MDGA2: variants seen among roughly 807,000 people sequenced by gnomAD.
The protein encoded by MDGA2 is MAM domain containing glycosylphosphatidylinositol anchor 2, also known as MAM domain-containing glycosylphosphatidylinositol anchor protein 2.
In MDGA2, 40 loss-of-function variants were observed where a neutral mutation model predicts 117.8. That is an observed-to-expected ratio of 0.34 (90% CI 0.26 to 0.44). MDGA2 has a LOEUF of 0.44. Among genes scored for constraint, MDGA2 ranks in the 20% least tolerant of loss-of-function variants. MDGA2 has a pLI of 1.00. For missense variants in MDGA2, 1,123 were observed against 1,250.6 expected (o/e 0.90, Z 1.54); for synonymous variants, 452 against 439.0 (o/e 1.03, Z -0.37).
intron 1 of MDGA2, among the ~76,000 whole-genome samples, chr14:47,454,532 T>G (rs2138577739): frequency 6.6e-6 from 1 of 152,320 alleles, no homozygotes; most frequent in Non-Finnish European, 1.5e-5. Flanking sequence ...AATAAAAGAT[T>G]ATTATTCATT....
At chr14:47,482,097 A>G (rs896621434) in intron 1 of MDGA2, among the ~76,000 whole-genome samples, 15 of 152,186 alleles carry the variant, frequency 9.9e-5, no homozygotes, top group Middle Eastern at 3.4e-3. Context: ...ATGGGTTGAC[A>G]ACAGTGAGTG....
chr14:46,950,958 T>G (rs1234508945), intron 9 of MDGA2, among the ~76,000 whole-genome samples: 1 of 151,976 alleles, frequency 6.6e-6, no homozygotes, highest in Non-Finnish European at 1.5e-5. Context: ...CATTTATTCT[T>G]CAGGAATAAG....
At chr14:47,269,419 T>A (rs1888072898) in intron 2 of MDGA2, among the ~76,000 whole-genome samples, 2 of 152,180 alleles carry the variant, frequency 1.3e-5, no homozygotes, top group African/African-American at 4.8e-5. Context: ...GTGTATAATT[T>A]GTATTTCTAA....
intron 6 of MDGA2, among the ~76,000 whole-genome samples, chr14:47,076,564 G>A (rs1203439257): frequency 8.6e-6 from 1 of 116,298 alleles, no homozygotes. Context: ...TGTGTTATGT[G>A]TGTGTGTGTG....
chr14:47,211,712 G>A (rs190718386), intron 3 of MDGA2, among the ~76,000 whole-genome samples: 1 of 152,170 alleles, frequency 6.6e-6, no homozygotes, highest in African/African-American at 2.4e-5. Flanking sequence ...AACCCAAGCT[G>A]CCAAAAAAAG....
chr14:47,632,019 C>T (rs757422315), intron 1 of MDGA2, among the ~76,000 whole-genome samples: 25 of 151,972 alleles, frequency 1.6e-4, no homozygotes, highest in Non-Finnish European at 3.5e-4. Flanking sequence ...CAATGTGTCC[C>T]AGGTGTGCCA....
intron 1 of MDGA2, among the ~76,000 whole-genome samples, chr14:47,472,459 T>C (rs1467978406): frequency 6.6e-6 from 1 of 152,166 alleles, no homozygotes; most frequent in Non-Finnish European, 1.5e-5. Context: ...TCTGAACATA[T>C]CTAAACAAAG....
At chr14:47,005,513 A>T (rs1887679200) in intron 8 of MDGA2, among the ~76,000 whole-genome samples, 1 of 151,446 alleles carries the variant, frequency 6.6e-6, no homozygotes, top group South Asian at 2.1e-4. Context: ...CAGTTACTAA[A>T]GTTTTGTTTA....
chr14:47,322,296 A>G (rs932076832), intron 1 of MDGA2, among the ~76,000 whole-genome samples: 2 of 152,060 alleles, frequency 1.3e-5, no homozygotes, highest in African/African-American at 4.8e-5. Flanking sequence ...ATAAAATAAC[A>G]TTTTCTCTTC....
chr14:47,022,186 G>A (rs1888310937), intron 8 of MDGA2, among the ~76,000 whole-genome samples: 1 of 152,100 alleles, frequency 6.6e-6, no homozygotes, highest in Non-Finnish European at 1.5e-5. Context: ...CACAGGCTCA[G>A]GTAAGTCTTC....
At chr14:46,867,930 T>A (rs201421407) in intron 14 of MDGA2, among the ~76,000 whole-genome samples, 1 of 16 alleles carries the variant, frequency 0.062, no homozygotes, top group Non-Finnish European at 0.25. Context: ...CTTCTGTCTG[T>A]TTTTTTTTTT....
Position 47,263,249 on chromosome 14 carries a change from G to C in MDGA2, c.420+38162C>G, listed in dbSNP as rs112142885. Among the ~76,000 whole-genome samples the C allele has an allele frequency of 2.0e-5, 3 of 152,106 alleles. No homozygotes were observed. The East Asian group carries it at 5.8e-4, about 29-fold the overall frequency. On this transcript the variant is annotated intron_variant, in intron 2 of 16. Transcript: ENST00000399232. ...TTTCATGTCTCACAATCTTAAGAAC[G>C]TGGATTTAGTTAGGCACGTGGATTC...
intron 8 of MDGA2, among the ~76,000 whole-genome samples, chr14:47,004,198 CA>C (rs1887631551): frequency 6.6e-6 from 1 of 151,828 alleles, no homozygotes; most frequent in Non-Finnish European, 1.5e-5. Context: ...AGATACTCAA[CA>C]TTATTAGTCA....
chr14:47,407,335 CT>C (rs1177823789), intron 1 of MDGA2, among the ~76,000 whole-genome samples: 1 of 152,152 alleles, frequency 6.6e-6, no homozygotes, highest in Non-Finnish European at 1.5e-5. Context: ...TTATTTACTA[CT>C]TTTCAAGCTT....
At position 47,086,551 on chromosome 14, in the gene MDGA2, A is replaced by G. The variant is rs184900554; in HGVS notation, c.1195+10303T>C. 1.8e-3 allele frequency among the ~76,000 whole-genome samples: 269 copies of G among 152,274 alleles called. 1 individual carries two copies. The highest frequency in any genetic ancestry group is 6.2e-3 in the African/African-American group (257 of 41,574). ...GCATTATTTTTAAATCATAGAATAG[A>G]ATGTACCCATTACTTATTTTTTGAA... On this transcript the variant is annotated intron_variant, in intron 6 of 16. Transcript: ENST00000399232.
chr14:47,310,822 C>T (rs546688536), intron 1 of MDGA2, among the ~76,000 whole-genome samples: 19 of 152,066 alleles, frequency 1.2e-4, no homozygotes, highest in Non-Finnish European at 2.5e-4. Context: ...CTTTATGGTA[C>T]CACTTTTTAT....
At chr14:47,663,157 T>G (rs1340276702) in intron 1 of MDGA2, among the ~76,000 whole-genome samples, 3 of 152,162 alleles carry the variant, frequency 2.0e-5, no homozygotes, top group South Asian at 2.1e-4. Context: ...TGATAATAAC[T>G]TAACTCATTC....
chr14:46,861,319 A>G, intron 14 of MDGA2, among the ~76,000 whole-genome samples: 1 of 152,060 alleles, frequency 6.6e-6, no homozygotes, highest in South Asian at 2.1e-4. Context: ...TCTTTCTTAT[A>G]TCAGTAATTA....
At chr14:47,012,567 G>C (rs973024465) in intron 8 of MDGA2, among the ~76,000 whole-genome samples, 1 of 152,130 alleles carries the variant, frequency 6.6e-6, no homozygotes, top group Non-Finnish European at 1.5e-5. Flanking sequence ...TACATTTGGA[G>C]AGTGACTTAA....
Sources: gnomAD v4.1 joint callset for allele counts (sites outside exome capture counted in the v4.1 genomes callset) on GRCh38, gnomAD v4.1.1 for gene constraint, MANE v1.5 for transcripts, NCBI Gene and HGNC (gene_info 2026-07-23, HGNC 2026-07-21) for gene names.